Variants in BTC observed in about 807,000 individuals in gnomAD.
BTC encodes the protein betacellulin, also known as probetacellulin.
Under a neutral mutation model 18.1 loss-of-function variants are expected in BTC, and 13 were observed. The observed-to-expected ratio is 0.72, with a 90% CI of 0.47 to 1.14. The LOEUF is 1.14. Among genes scored for constraint, BTC ranks in the 50% most tolerant of loss-of-function variants. The probability of loss-of-function intolerance (pLI) is 0.00; values close to 1 mark genes in which losing one functional copy is unlikely to be tolerated. For synonymous variants in BTC, 83 were observed against 79.4 expected (o/e 1.05, Z -0.24); for missense variants, 247 against 224.2 (o/e 1.10, Z -0.65).
chr4:74,792,003 A>AAT lies in BTC; in HGVS notation c.64+2258_64+2259insAT, dbSNP rs1725645829. Reference sequence around the variant, plus strand: ...CACACACACACACACACACACACACACACAAACACTAGTGTCTCATGCATC... The same window carrying AAT: ...CACACACACACACACACACACACACAATCACAAACACTAGTGTCTCATGCATC... On this transcript the variant is annotated intron_variant, in intron 1 of 5. Coordinates refer to ENST00000395743, the MANE Select transcript of BTC (RefSeq NM_001729.4). Among the ~76,000 whole-genome samples the AAT allele has an allele frequency of 6.3e-5, 9 of 142,288 alleles. No homozygotes were observed. In the South Asian group the frequency reaches 8.7e-4, roughly 14 times the overall value. 93.3% of individuals were successfully genotyped at this position (142,288 alleles called of 152,430 possible).
intron 2 of BTC, among the ~76,000 whole-genome samples, chr4:74,769,109 G>T (rs555136974): frequency 9.2e-5 from 14 of 152,080 alleles, no homozygotes; most frequent in African/African-American, 3.4e-4. Context: ...AACTTCCCGA[G>T]GGTGCTAGGA....
At chr4:74,789,899 A>T (rs1214135458) in intron 1 of BTC, among the ~76,000 whole-genome samples, 3 of 152,238 alleles carry the variant, frequency 2.0e-5, no homozygotes, top group African/African-American at 7.2e-5. Context: ...GTCTGATATC[A>T]ATGCTAGGCA....
At chr4:74,782,075 G>A (rs893000069) in intron 1 of BTC, among the ~76,000 whole-genome samples, 6 of 152,064 alleles carry the variant, frequency 3.9e-5, no homozygotes, top group African/African-American at 1.4e-4. Context: ...TATAATCAGT[G>A]AAATGATTCA....
At chr4:74,781,424 G>A (rs901835539) in intron 1 of BTC, among the ~76,000 whole-genome samples, 4 of 125,424 alleles carry the variant, frequency 3.2e-5, no homozygotes, top group Admixed American at 2.2e-4. Context: ...TGTGGCTTCA[G>A]TTACCAACAA....
At chr4:74,792,906 T>C (rs921997847) in intron 1 of BTC, among the ~76,000 whole-genome samples, 1 of 152,240 alleles carries the variant, frequency 6.6e-6, no homozygotes, top group African/African-American at 2.4e-5. Context: ...CCAAATTCAG[T>C]GCAAGTTCTA....
At chr4:74,791,967 T>TCACA (rs1491346535) in intron 1 of BTC, among the ~76,000 whole-genome samples, 1 of 110,048 alleles carries the variant, frequency 9.1e-6, no homozygotes, top group African/African-American at 3.5e-5. Flanking sequence ...ATTTCCACCA[T>TCACA]CTCACACACA....
intron 1 of BTC, among the ~76,000 whole-genome samples, chr4:74,794,045 C>A (rs1324087252): frequency 1.3e-5 from 2 of 152,182 alleles, no homozygotes; most frequent in East Asian, 3.9e-4. Context: ...GGCCTTCTCA[C>A]GCGTCTAGGG....
At chr4:74,784,473 T>C (rs1416877049) in intron 1 of BTC, among the ~76,000 whole-genome samples, 1 of 151,994 alleles carries the variant, frequency 6.6e-6, no homozygotes, top group Non-Finnish European at 1.5e-5. Flanking sequence ...TGAGTAGGAG[T>C]GGTGAGAGAT....
At chr4:74,750,475 A>C in intron 4 of BTC, 98 bp downstream of exon 4, 6 of 1,304,922 alleles carry the variant, frequency 4.6e-6, no homozygotes, top group Non-Finnish European at 6.2e-6. Flanking sequence ...TGAATCAAAG[A>C]AAAAGCAAAA....
chr4:74,784,011 T>C (rs1482217721), intron 1 of BTC, among the ~76,000 whole-genome samples: 1 of 151,936 alleles, frequency 6.6e-6, no homozygotes, highest in African/African-American at 2.4e-5. Context: ...GGCAGATGGA[T>C]CACTTGAGGT....
chr4:74,750,444 A>T, intron 4 of BTC, 129 bp downstream of exon 4: 1 of 941,944 alleles, frequency 1.1e-6, no homozygotes, highest in Non-Finnish European at 1.5e-6. Context: ...ACAATGGCAA[A>T]GCTCAAAAAG....
At chr4:74,772,066 G>A (rs909002646) in intron 1 of BTC, among the ~76,000 whole-genome samples, 2 of 152,200 alleles carry the variant, frequency 1.3e-5, no homozygotes, top group African/African-American at 4.8e-5. Context: ...GTTTGTGGGA[G>A]TATGTACTCA....
chr4:74,783,367 C>T (rs377507903), intron 1 of BTC, among the ~76,000 whole-genome samples: 104 of 152,152 alleles, frequency 6.8e-4, no homozygotes, highest in African/African-American at 2.3e-3. Context: ...TTCCTTTCCC[C>T]ATTGCTTGTT....
chr4:74,780,478 A>G (rs1725289383), intron 1 of BTC, among the ~76,000 whole-genome samples: 1 of 152,164 alleles, frequency 6.6e-6, no homozygotes, highest in Admixed American at 6.5e-5. Context: ...CCATTACATG[A>G]TGATTGTCAT....
intron 4 of BTC, among the ~76,000 whole-genome samples, 194 bp from the exon 5 acceptor site, chr4:74,748,343 T>A (rs782430088): frequency 6.6e-6 from 1 of 152,056 alleles, no homozygotes; most frequent in Admixed American, 6.5e-5. Flanking sequence ...GGTCAGGAGA[T>A]TGAGACCACG....
intron 5 of BTC, 27 bp from the exon 6 acceptor site, chr4:74,746,702 T>A (rs1257110266): frequency 6.6e-6 from 1 of 152,572 alleles, no homozygotes; most frequent in Admixed American, 6.5e-5. Flanking sequence ...TAACAGCACA[T>A]CACTTAAAAG....
chr4:74,782,283 G>A (rs776927699), intron 1 of BTC, among the ~76,000 whole-genome samples: 2 of 152,116 alleles, frequency 1.3e-5, no homozygotes, highest in African/African-American at 2.4e-5. Context: ...AGGCCCCAGT[G>A]TGTGTTGTTA....
chr4:74,753,587 A>T (rs1724519241), intron 3 of BTC, among the ~76,000 whole-genome samples: 1 of 152,220 alleles, frequency 6.6e-6, no homozygotes, highest in Non-Finnish European at 1.5e-5. Context: ...AAAAACAAGA[A>T]CCCACAAACT....
intron 1 of BTC, among the ~76,000 whole-genome samples, chr4:74,790,276 A>G (rs1024804265): frequency 1.3e-5 from 2 of 152,122 alleles, no homozygotes; most frequent in African/African-American, 4.8e-5. Context: ...TATTATAATA[A>G]CTCATGCTTA....
Sources: allele counts gnomAD v4.1 joint callset (sites outside exome capture counted in the v4.1 genomes callset), GRCh38; gene constraint gnomAD v4.1.1; transcripts MANE v1.5; gene names NCBI Gene and HGNC (gene_info 2026-07-23, HGNC 2026-07-21).